The following FBXW4 variants were observed in gnomAD, a reference collection of about 807,000 sequenced individuals.
FBXW4 encodes the protein F-box/WD repeat-containing protein 4.
In FBXW4, 40 loss-of-function variants were observed where a neutral mutation model predicts 61.8. That is an observed-to-expected ratio of 0.65 (90% CI 0.50 to 0.84). The LOEUF is 0.84. Among genes scored for constraint, FBXW4 ranks in the 40% least tolerant of loss-of-function variants. The pLI is 0.00. For synonymous variants in FBXW4, 311 were observed against 313.8 expected, an observed-to-expected ratio of 0.99 and a Z score of 0.10; for missense variants, 672 against 753.8, an observed-to-expected ratio of 0.89 and a Z score of 1.27.
At chr10:101,668,038 A>T in intron 4 of FBXW4, 58 bp from the exon 5 acceptor site, 1 of 1,352,536 alleles carries the variant, frequency 7.4e-7, no homozygotes, top group Non-Finnish European at 1.1e-6. Flanking sequence ...TGGGGAGGAG[A>T]GGTGCTCCGG....
chr10:101,665,888 A>T (rs1200580725), intron 5 of FBXW4, among the ~76,000 whole-genome samples: 3 of 152,126 alleles, frequency 2.0e-5, no homozygotes, highest in African/African-American at 7.2e-5. Context: ...GCTTCAATCC[A>T]TATGAAGGAA....
intron 3 of FBXW4, 36 bp downstream of exon 3, chr10:101,673,452 T>C (rs770947117): frequency 2.8e-5 from 45 of 1,609,836 alleles, no homozygotes; most frequent in South Asian, 8.8e-5. Context: ...AAGTATAAGA[T>C]GGAAAAGGGT....
At chr10:101,616,506 C>T (rs954476639) in intron 6 of FBXW4, among the ~76,000 whole-genome samples, 8 of 152,288 alleles carry the variant, frequency 5.3e-5, no homozygotes, top group Middle Eastern at 6.8e-3. Context: ...CAGAGAACAA[C>T]GGAAAGTTCT....
At chr10:101,614,778 C>G (rs2063813483) in intron 6 of FBXW4, among the ~76,000 whole-genome samples, 1 of 152,224 alleles carries the variant, frequency 6.6e-6, no homozygotes, top group Non-Finnish European at 1.5e-5. Context: ...AGAGCATAAA[C>G]TGACACGCCA....
chr10:101,612,254 C>T, intron 7 of FBXW4, 83 bp downstream of exon 7: 1 of 1,379,082 alleles, frequency 7.3e-7, no homozygotes, highest in Non-Finnish European at 9.4e-7. Flanking sequence ...GTGCCCTCTC[C>T]CATGGGCCAA....
At chr10:101,667,329 G>C (rs2064313027) in intron 5 of FBXW4, among the ~76,000 whole-genome samples, 1 of 151,880 alleles carries the variant, frequency 6.6e-6, no homozygotes, top group South Asian at 2.1e-4. Context: ...GTACAGTAAA[G>C]CCATCATCAA....
chr10:101,656,515 CATGTTCTT>C (rs2064186626), intron 5 of FBXW4, among the ~76,000 whole-genome samples: 2 of 152,248 alleles, frequency 1.3e-5, no homozygotes, highest in Admixed American at 1.3e-4. Flanking sequence ...CTTCAAGAGG[CATGTTCTT>C]TAGCCCACAT....
chr10:101,629,997 G>A (rs2063938489), intron 5 of FBXW4, among the ~76,000 whole-genome samples: 1 of 152,200 alleles, frequency 6.6e-6, no homozygotes. Context: ...CAGCCTCTGA[G>A]CCTGGGCTGA....
intron 5 of FBXW4, among the ~76,000 whole-genome samples, chr10:101,665,294 A>G (rs578205602): frequency 4.6e-5 from 7 of 152,312 alleles, no homozygotes; most frequent in Admixed American, 3.9e-4. Context: ...CAAGACCTCA[A>G]TTCTGGAGTT....
At chr10:101,612,528 T>A in intron 6 of FBXW4, 51 bp from the exon 7 acceptor site, 1 of 1,449,240 alleles carries the variant, frequency 6.9e-7, no homozygotes, top group Non-Finnish European at 9.2e-7. Context: ...GTCATACACA[T>A]TCGTTCCACC....
At chr10:101,670,624 A>G (rs921967898) in intron 4 of FBXW4, among the ~76,000 whole-genome samples, 1 of 152,244 alleles carries the variant, frequency 6.6e-6, no homozygotes, top group African/African-American at 2.4e-5. Context: ...TAAGGATAAG[A>G]GGCTTTATCT....
chr10:101,664,377 T>A (rs192321769), intron 5 of FBXW4, among the ~76,000 whole-genome samples: 9 of 152,272 alleles, frequency 5.9e-5, no homozygotes, highest in Admixed American at 5.9e-4. Context: ...CCTAACTGCA[T>A]AAGGGAGCAA....
rs771682989 is a variant in FBXW4 at position 101,611,655 on chromosome 10, C to T, written c.1557G>A (p.Trp519Ter). Residue 519 changes from tryptophan (W) to a stop codon, truncating the protein, a stop_gained, in exon 8 of 9, where the codon TGG becomes TGA. Transcript: ENST00000331272. LOFTEE classifies it high-confidence loss of function. The surrounding 1 kb of genome is among the most constrained non-coding windows in gnomAD (Gnocchi z 4.9). Reference sequence around the variant, plus strand: ...GCAGGCAGGCCCTTTGACGCCGGTCCCACAGCCGTACAACACCGTAGTAGG... The same window carrying T: ...GCAGGCAGGCCCTTTGACGCCGGTCTCACAGCCGTACAACACCGTAGTAGG... ...GSSYYGVVRL[W>*]DRRQRACLHA... The T allele has an allele frequency of 6.2e-7, 1 of 1,614,222 alleles. No individual in the cohort carries two copies. The highest frequency in any genetic ancestry group is 1.1e-5 in the South Asian group (1 of 91,086).
chr10:101,694,582 G>C lies in FBXW4; in HGVS notation c.524C>G (p.Ala175Gly), dbSNP rs939326551. The change falls in exon 1 of 9, where the codon GCC becomes GGC. Residue 175 changes from alanine to glycine, a missense_variant. By Grantham distance (60) the Ala-to-Gly change is moderately conservative. Around this residue, in one of 5 missense-constraint regions of FBXW4, gnomAD observed 311 missense variants for 301.1 expected, o/e 1.03. Transcript: ENST00000331272. The surrounding 1 kb of genome is among the most constrained non-coding windows in gnomAD (Gnocchi z 6.0). ...EEEEAARESA[A>G]RPAAGPALWR... ...GAGCGCAGGCCCCGCGGCCGGGCGG[G>C]CAGCCGACTCCCGAGCCGCCTCCTC... The C allele has an allele frequency of 6.8e-7, 1 of 1,462,054 alleles. No individual in the cohort carries two copies. Among genetic ancestry groups the C allele is most frequent in the African/African-American group, 1.5e-5 (1 of 67,688 alleles). The allele number at this position is 1,462,054 out of a possible 1,614,324, so 90.6% of individuals were successfully genotyped here. A position where few individuals can be genotyped will look rare whatever the true frequency, so the allele number is the denominator to read the frequency against.
intron 5 of FBXW4, among the ~76,000 whole-genome samples, chr10:101,651,009 T>G (rs1157526491): frequency 6.6e-6 from 1 of 152,148 alleles, no homozygotes; most frequent in African/African-American, 2.4e-5. Context: ...TCGGCAGCCT[T>G]TTCACGGGGA....
chr10:101,664,521 A>G (rs372092528), intron 5 of FBXW4, among the ~76,000 whole-genome samples: 2 of 152,196 alleles, frequency 1.3e-5, no homozygotes, highest in East Asian at 1.9e-4. Flanking sequence ...AACCATACTC[A>G]ACAGGAATGG....
chr10:101,678,951 AAT>A, intron 1 of FBXW4, among the ~76,000 whole-genome samples: 1 of 152,304 alleles, frequency 6.6e-6, no homozygotes, highest in East Asian at 1.9e-4. Flanking sequence ...ATTTTTGGTT[AAT>A]AAAGTAGTAA....
chr10:101,683,529 A>G (rs1316941851), intron 1 of FBXW4, among the ~76,000 whole-genome samples: 1 of 152,234 alleles, frequency 6.6e-6, no homozygotes, highest in African/African-American at 2.4e-5. Context: ...AAGTGAGTCC[A>G]GAGGGACAGA....
At chr10:101,659,989 T>G (rs1320199575) in intron 5 of FBXW4, 1 of 592,102 alleles carries the variant, frequency 1.7e-6, no homozygotes. Context: ...TATCTTAGAA[T>G]AGTCTGTCCC....
Sources: gnomAD v4.1 joint callset for allele counts (sites outside exome capture counted in the v4.1 genomes callset) on GRCh38, gnomAD v4.1.1 for gene constraint, gnomAD v4.1.1 regional missense constraint, Gnocchi (gnomAD v3.1) non-coding constraint, MANE v1.5 for transcripts, NCBI Gene and HGNC (gene_info 2026-07-23, HGNC 2026-07-21) for gene names.